Variants in CNTN4 observed in about 807,000 individuals in gnomAD.
CNTN4 encodes the protein contactin-4.
A neutral mutation model predicts 122.5 loss-of-function variants in CNTN4; 77 were observed. The observed-to-expected ratio is 0.63, with a 90% CI of 0.52 to 0.76. The LOEUF (loss-of-function observed/expected upper bound fraction) is 0.76, where lower values mean the gene tolerates loss of function less well. Among genes scored for constraint, CNTN4 ranks in the 30% least tolerant of loss-of-function variants. The pLI is 0.00. For missense variants in CNTN4, 1,256 were observed against 1,259.1 expected (o/e 1.00, Z 0.04); for synonymous variants, 512 against 447.0 (o/e 1.15, Z -1.83).
chr3:2,779,132 C>A (rs2091464612), intron 6 of CNTN4, among the ~76,000 whole-genome samples: 2 of 152,096 alleles, frequency 1.3e-5, no homozygotes, highest in Admixed American at 1.3e-4. Flanking sequence ...TGATTTTTAT[C>A]TGGTGGGGGG....
intron 10 of CNTN4, among the ~76,000 whole-genome samples, chr3:2,889,247 A>G (rs186061327): frequency 2.7e-3 from 408 of 152,288 alleles, no homozygotes; most frequent in African/African-American, 9.2e-3. Flanking sequence ...AGGGGAGAGA[A>G]CACACAGAGT....
chr3:2,997,003 CTTCT>C (rs1559768096), intron 14 of CNTN4, among the ~76,000 whole-genome samples: 1 of 152,122 alleles, frequency 6.6e-6, no homozygotes, highest in African/African-American at 2.4e-5. Flanking sequence ...TGTCATCTTC[CTTCT>C]GTCATCCTGC....
chr3:2,493,151 G>C (rs1451581922), intron 3 of CNTN4, among the ~76,000 whole-genome samples: 3 of 152,082 alleles, frequency 2.0e-5, no homozygotes, highest in Admixed American at 1.3e-4. Flanking sequence ...AGATAATATA[G>C]AGAGTGTGTC....
At chr3:2,294,794 A>G (rs1460239652) in intron 2 of CNTN4, among the ~76,000 whole-genome samples, 1 of 152,136 alleles carries the variant, frequency 6.6e-6, no homozygotes, top group Admixed American at 6.5e-5. Context: ...GTCATTTAGC[A>G]TTAGGTATAT....
intron 3 of CNTN4, among the ~76,000 whole-genome samples, chr3:2,533,838 A>G (rs1257930614): frequency 6.6e-6 from 1 of 151,836 alleles, no homozygotes; most frequent in Non-Finnish European, 1.5e-5. Context: ...TGTGGTTTTG[A>G]TTTGCATTTC....
chr3:2,108,015 G>C (rs2032596127), intron 2 of CNTN4, among the ~76,000 whole-genome samples: 1 of 152,052 alleles, frequency 6.6e-6, no homozygotes, highest in Admixed American at 6.6e-5. Context: ...CACATCCTCA[G>C]GCTTAATTCC....
intron 2 of CNTN4, among the ~76,000 whole-genome samples, chr3:2,305,928 T>G (rs918801409): frequency 1.3e-5 from 2 of 152,162 alleles, no homozygotes; most frequent in African/African-American, 4.8e-5. Flanking sequence ...TAGCATGACG[T>G]TTTAAAATTA....
intron 23 of CNTN4, among the ~76,000 whole-genome samples, chr3:3,048,491 ACT>A (rs1700905752): frequency 7.5e-6 from 1 of 133,456 alleles, no homozygotes; most frequent in East Asian, 2.3e-4. Flanking sequence ...CCAATGAATA[ACT>A]CTCTCTCTTT....
intron 2 of CNTN4, among the ~76,000 whole-genome samples, chr3:2,174,501 G>T (rs534538927): frequency 5.3e-5 from 8 of 152,188 alleles, no homozygotes; most frequent in Admixed American, 5.2e-4. Flanking sequence ...TTCTCACAGG[G>T]TGTAAAGGAC....
At chr3:2,769,735 A>G (rs2091006548) in intron 6 of CNTN4, among the ~76,000 whole-genome samples, 1 of 152,192 alleles carries the variant, frequency 6.6e-6, no homozygotes, top group Non-Finnish European at 1.5e-5. Flanking sequence ...GATTTTAAAA[A>G]ACAACATACA....
chr3:2,598,105 C>A (rs2080858397), intron 4 of CNTN4, among the ~76,000 whole-genome samples: 1 of 152,162 alleles, frequency 6.6e-6, no homozygotes, highest in South Asian at 2.1e-4. Flanking sequence ...GTGAATTCAG[C>A]AGGTGCTTCA....
chr3:3,018,816 C>T (rs539938541), intron 14 of CNTN4, among the ~76,000 whole-genome samples: 7 of 152,124 alleles, frequency 4.6e-5, no homozygotes, highest in Admixed American at 2.6e-4. Context: ...TAAAAAGAAC[C>T]AGAGCTCCCT....
chr3:2,319,070 A>G (rs902107814), intron 2 of CNTN4, among the ~76,000 whole-genome samples: 1 of 152,128 alleles, frequency 6.6e-6, no homozygotes, highest in Non-Finnish European at 1.5e-5. Context: ...GCCTGTTACT[A>G]CTATTTAGAA....
At position 2,606,528 on chromosome 3, in the gene CNTN4, C is replaced by T. The variant is rs559040002; in HGVS notation, c.55+34970C>T. Among the ~76,000 whole-genome samples the T allele has an allele frequency of 1.2e-4, 19 of 152,270 alleles. No homozygotes were observed. The East Asian group carries it at 2.3e-3, about 19-fold the overall frequency. ...AAAATAACTCACAGTGACTGATGGG[C>T]GGATAATGGGTTTTAAGAGGACTTT... On this transcript the variant is annotated intron_variant, in intron 4 of 24. Transcript: ENST00000418658.
chr3:2,408,198 C>G, intron 3 of CNTN4, among the ~76,000 whole-genome samples: 1 of 152,064 alleles, frequency 6.6e-6, no homozygotes, highest in Non-Finnish European at 1.5e-5. Context: ...GTATTGATAT[C>G]CTGAGACCTA....
chr3:2,422,462 C>G (rs1406162031), intron 3 of CNTN4, among the ~76,000 whole-genome samples: 2 of 152,150 alleles, frequency 1.3e-5, no homozygotes, highest in Non-Finnish European at 2.9e-5. Context: ...ATTAGAAGTT[C>G]TAAATGATTT....
At chr3:3,019,661 C>A (rs894919690) in intron 14 of CNTN4, among the ~76,000 whole-genome samples, 1 of 149,826 alleles carries the variant, frequency 6.7e-6, no homozygotes, top group African/African-American at 2.5e-5. Context: ...CAAACACCAC[C>A]ATATATATAT....
chr3:2,498,302 T>A (rs1357738945), intron 3 of CNTN4, among the ~76,000 whole-genome samples: 1 of 152,146 alleles, frequency 6.6e-6, no homozygotes, highest in African/African-American at 2.4e-5. Flanking sequence ...GCTGCTAGGT[T>A]GTGTGGTAAT....
chr3:2,646,247 T>C (rs958308990), intron 4 of CNTN4, among the ~76,000 whole-genome samples: 1 of 152,174 alleles, frequency 6.6e-6, no homozygotes, highest in Admixed American at 6.5e-5. Context: ...AATAAACATA[T>C]ATAAACACTA....
Sources: gnomAD v4.1 joint callset for allele counts (sites outside exome capture counted in the v4.1 genomes callset) on GRCh38, gnomAD v4.1.1 for gene constraint, MANE v1.5 for transcripts, NCBI Gene and HGNC (gene_info 2026-07-23, HGNC 2026-07-21) for gene names.